Variants in COL27A1 observed in about 807,000 individuals in gnomAD.
COL27A1 encodes the protein collagen alpha-1(XXVII) chain.
COL27A1 carries 106 observed loss-of-function variants against 251.3 expected under a neutral mutation model. The ratio of observed to expected loss-of-function variants is 0.42; its 90% confidence interval spans 0.36 to 0.50. The LOEUF (loss-of-function observed/expected upper bound fraction) is 0.50, where lower values mean the gene tolerates loss of function less well. Among genes scored for constraint, COL27A1 ranks in the 20% least tolerant of loss-of-function variants. COL27A1 has a pLI of 0.00. For synonymous variants in COL27A1, 1,000 were observed against 986.3 expected, an observed-to-expected ratio of 1.01 and a Z score of -0.26; for missense variants, 2,325 against 2,522.8, an observed-to-expected ratio of 0.92 and a Z score of 1.68.
At position 114,311,490 on chromosome 9, in the gene COL27A1, G is replaced by C. The variant is rs926647811; in HGVS notation, c.*795G>C. On this transcript the variant is annotated 3_prime_UTR_variant, in exon 61 of 61. Coordinates refer to ENST00000356083, the MANE Select transcript of COL27A1 (RefSeq NM_032888.4). ...TTTGGGGAATTTTTGAATTTTCCTA[G>C]CATCGCCCTTGTGCTCATCAGGTAA... 2.5e-4 allele frequency: 37 copies of C among 146,096 alleles called. No individual in the cohort carries two copies. The highest frequency in any genetic ancestry group is 9.5e-4 in the African/African-American group (37 of 38,972). The allele number at this position is 146,096 out of a possible 1,614,324, so 9.0% of individuals were successfully genotyped here.
rs1834644245 is a variant in COL27A1, at chr9:114,265,106, T to C, written c.3335T>C (p.Phe1112Ser). 1.3e-6 allele frequency: 2 copies of C among 1,529,504 alleles called. No homozygotes were observed. The highest frequency in any genetic ancestry group is 1.8e-5 in the Admixed American group (1 of 57,050). The allele number at this position is 1,529,504 out of a possible 1,614,324, so 94.7% of individuals were successfully genotyped here. Residue 1112 changes from phenylalanine to serine, a missense_variant, in exon 31 of 61, where the codon TTT (phenylalanine) becomes TCT (serine). By Grantham distance (155) the Phe-to-Ser change is radical. This residue lies in a region of COL27A1 where 662 missense variants were observed against 795.3 expected (regional missense o/e 0.83). Coordinates refer to ENST00000356083, the MANE Select transcript of COL27A1 (RefSeq NM_032888.4). ...GERGHLGSRG[F>S]PGIPGPSGPP... ...CGAGGCCACTTGGGCTCGAGAGGCTTTCCTGTAAGTAGCACCAGTTCTTGA... is the reference window on the plus strand; with the variant it reads ...CGAGGCCACTTGGGCTCGAGAGGCTCTCCTGTAAGTAGCACCAGTTCTTGA...
At chr9:114,220,271 C>T (rs1423094809) in intron 13 of COL27A1, among the ~76,000 whole-genome samples, 2 of 152,220 alleles carry the variant, frequency 1.3e-5, no homozygotes, top group African/African-American at 2.4e-5. Flanking sequence ...GAATCTCCAC[C>T]ACAGGCATGT....
At chr9:114,277,016 C>G (rs1349920547) in intron 37 of COL27A1, among the ~76,000 whole-genome samples, 1 of 152,216 alleles carries the variant, frequency 6.6e-6, no homozygotes, top group Non-Finnish European at 1.5e-5. Context: ...CTTAGGCCTG[C>G]ATGACTCTAC....
rs1829371947 is a variant in COL27A1, at chr9:114,310,493, G to A, written c.5437-56G>A. On this transcript the variant is annotated intron_variant, in intron 60 of 60. Coordinates refer to ENST00000356083, the MANE Select transcript of COL27A1 (RefSeq NM_032888.4). Reference sequence around the variant, plus strand: ...GAAAGATGGAAGGGAAAATGCTCATGATGTATGATAAGAATCACGATGGAT... The same window carrying A: ...GAAAGATGGAAGGGAAAATGCTCATAATGTATGATAAGAATCACGATGGAT... 3.1e-6 allele frequency: 5 copies of A among 1,595,706 alleles called. No individual in the cohort carries two copies. The Admixed American group carries it at 8.3e-5, about 27-fold the overall frequency.
At chr9:114,182,529 G>A (rs1051690792) in intron 4 of COL27A1, among the ~76,000 whole-genome samples, 2 of 152,140 alleles carry the variant, frequency 1.3e-5, no homozygotes, top group African/African-American at 2.4e-5. Context: ...ATGGGCAAAC[G>A]CAACGAGGAG....
chr9:114,223,347 G>A (rs1163945292), intron 14 of COL27A1, among the ~76,000 whole-genome samples: 1 of 152,238 alleles, frequency 6.6e-6, no homozygotes, highest in Non-Finnish European at 1.5e-5. Context: ...TCTGCTCAGA[G>A]GGAGGCTGGA....
chr9:114,197,548 C>T (rs984919904), intron 7 of COL27A1, among the ~76,000 whole-genome samples: 10 of 152,266 alleles, frequency 6.6e-5, no homozygotes, highest in African/African-American at 2.2e-4. Context: ...AAAGCAGCCT[C>T]GGGTGGTCTT....
chr9:114,243,949 T>G (rs1448367751), intron 23 of COL27A1, among the ~76,000 whole-genome samples: 2 of 143,202 alleles, frequency 1.4e-5, no homozygotes, highest in African/African-American at 5.3e-5. Flanking sequence ...TTTTTTGAGA[T>G]GGAGTCTCCC....
At chr9:114,227,340 A>T (rs1164412034) in intron 14 of COL27A1, among the ~76,000 whole-genome samples, 3 of 129,606 alleles carry the variant, frequency 2.3e-5, no homozygotes, top group African/African-American at 8.6e-5. Flanking sequence ...GTCAACAGCC[A>T]ACTCAGGCCT....
At chr9:114,237,327 G>T (rs1343218933) in intron 18 of COL27A1, among the ~76,000 whole-genome samples, 1 of 152,252 alleles carries the variant, frequency 6.6e-6, no homozygotes, top group African/African-American at 2.4e-5. Context: ...TAACAGCAGT[G>T]GCTGTCATTT....
chr9:114,195,483 C>T (rs541634600), intron 6 of COL27A1, among the ~76,000 whole-genome samples: 1 of 152,244 alleles, frequency 6.6e-6, no homozygotes, highest in South Asian at 2.1e-4. Context: ...AAAATGAGAT[C>T]GGCACCCAGG....
intron 23 of COL27A1, among the ~76,000 whole-genome samples, chr9:114,245,493 G>A (rs1456855149): frequency 1.3e-5 from 2 of 152,106 alleles, no homozygotes; most frequent in African/African-American, 2.4e-5. Context: ...CCAAGGTTTC[G>A]GTTCTAGCCC....
At position 114,243,556 on chromosome 9, in the gene COL27A1, T is replaced by G. The variant is rs751542230; in HGVS notation, c.2930T>G (p.Val977Gly). The G allele has an allele frequency of 2.5e-6, 4 of 1,612,610 alleles. No homozygotes were observed. The highest frequency in any genetic ancestry group is 3.4e-6 in the Non-Finnish European group (4 of 1,179,344). ...CCTGGGAGGCCCGGCCTGGATGGCGTGAAGGTGAGGGGACCTGGAGATCCC... is the reference window on the plus strand; with the variant it reads ...CCTGGGAGGCCCGGCCTGGATGGCGGGAAGGTGAGGGGACCTGGAGATCCC... ...GFPGRPGLDGVKGEPGDPGRP... is the reference protein window; with the variant it reads ...GFPGRPGLDGGKGEPGDPGRP... The change falls in exon 23 of 61, where the codon GTG becomes GGG. Residue 977 changes from valine to glycine, a missense_variant. Coordinates refer to ENST00000356083, the MANE Select transcript of COL27A1 (RefSeq NM_032888.4).
intron 13 of COL27A1, among the ~76,000 whole-genome samples, chr9:114,221,657 G>A (rs763337380): frequency 6.6e-6 from 1 of 152,126 alleles, no homozygotes; most frequent in Non-Finnish European, 1.5e-5. Flanking sequence ...ACACAGCCTC[G>A]TCTCCTGACT....
chr9:114,208,720 T>C (rs1485978736), intron 10 of COL27A1, among the ~76,000 whole-genome samples: 1 of 151,766 alleles, frequency 6.6e-6, no homozygotes, highest in Non-Finnish European at 1.5e-5. Flanking sequence ...ATAATGAAGA[T>C]ACAAGGGAGA....
chr9:114,265,162 GGGGGGC>G, intron 31 of COL27A1, 52 bp downstream of exon 31: 1 of 528,932 alleles, frequency 1.9e-6, no homozygotes, highest in Non-Finnish European at 3.6e-6. Flanking sequence ...TGATGGGGGT[GGGGGGC>G]GGGTGCGGTG....
intron 60 of COL27A1, 64 bp downstream of exon 60, chr9:114,309,542 A>G (rs1829305280): frequency 8.0e-7 from 1 of 1,247,488 alleles, no homozygotes; most frequent in Non-Finnish European, 1.1e-6. Flanking sequence ...CTTGTTTGGA[A>G]AAATGTGTTT....
Position 114,311,008 on chromosome 9 carries a change from G to A in COL27A1, c.*313G>A. 3.6e-6 allele frequency: 1 copy of A among 278,446 alleles called. No individual in the cohort carries two copies. Among genetic ancestry groups the A allele is most frequent in the Non-Finnish European group, 6.8e-6 (1 of 147,302 alleles). 17.2% of individuals were successfully genotyped at this position (278,446 alleles called of 1,614,324 possible). ...CACCCCGTTCCCTCCCCAGCTTCCT[G>A]CCCAAAGAGCCCCACATTCAAGCCA... is the stretch of plus-strand genomic sequence containing the variant. On this transcript the variant is annotated 3_prime_UTR_variant, in exon 61 of 61. Coordinates refer to ENST00000356083, the MANE Select transcript of COL27A1 (RefSeq NM_032888.4).
rs1849092020 is a variant in COL27A1 at position 114,168,830 on chromosome 9, C to T, written c.1275C>T (p.Pro425=). ...PARVSRPAEK[P]IQRNPGMPRP... is the part of the protein sequence containing the mutation. ...GAGTCTCCCGTCCCGCAGAGAAGCC[C>T]ATCCAGAGGAACCCGGGAATGCCCA... is the stretch of plus-strand genomic sequence containing the variant. Residue 425 remains proline (P), a synonymous_variant, in exon 3 of 61, where the codon CCC becomes CCT. Transcript: ENST00000356083. The T allele has an allele frequency of 6.2e-7, 1 of 1,614,046 alleles. No homozygotes were observed. Among genetic ancestry groups the T allele is most frequent in the African/African-American group, 1.3e-5 (1 of 75,028 alleles).
Sources: allele counts gnomAD v4.1 joint callset (sites outside exome capture counted in the v4.1 genomes callset), GRCh38; gene constraint gnomAD v4.1.1; regional missense constraint gnomAD v4.1.1; transcripts MANE v1.5; gene names NCBI Gene and HGNC (gene_info 2026-07-23, HGNC 2026-07-21).